FER1L6: variants seen among roughly 807,000 people sequenced by gnomAD.
The protein encoded by FER1L6 is fer-1-like protein 6.
In FER1L6, 177 loss-of-function variants were observed where a neutral mutation model predicts 219.2. The ratio of observed to expected loss-of-function variants is 0.81; its 90% CI spans 0.71 to 0.91. The LOEUF is 0.91. FER1L6 is among the 40% of genes least tolerant of loss of function. The pLI, the probability that FER1L6 is intolerant of heterozygous loss-of-function variation, is 0.00. For synonymous variants in FER1L6, 768 were observed against 824.3 expected (o/e 0.93, Z 1.17); for missense variants, 2,153 against 2,259.9 (o/e 0.95, Z 0.96).
At chr8:123,902,138 T>C (rs536823004) in intron 1 of FER1L6, among the ~76,000 whole-genome samples, 1 of 152,332 alleles carries the variant, frequency 6.6e-6, no homozygotes, top group South Asian at 2.1e-4. Flanking sequence ...TTGGAGATGA[T>C]TTCCAGTTTT....
At chr8:124,034,269 G>A (rs1819104638) in intron 18 of FER1L6, among the ~76,000 whole-genome samples, 2 of 152,170 alleles carry the variant, frequency 1.3e-5, no homozygotes, top group South Asian at 4.1e-4. Context: ...AGTGCCATAG[G>A]TTACTCTCAG....
intron 21 of FER1L6, chr8:124,046,273 T>C (rs1278440005): frequency 1.2e-5 from 2 of 164,736 alleles, no homozygotes; most frequent in African/African-American, 2.4e-5. Flanking sequence ...CCATGCTTTT[T>C]GGAGACAGGA....
chr8:124,019,653 C>T (rs1044684910), intron 16 of FER1L6, among the ~76,000 whole-genome samples: 5 of 152,172 alleles, frequency 3.3e-5, no homozygotes, highest in Non-Finnish European at 7.3e-5. Context: ...ATTCCATAAA[C>T]ATTTATTTAA....
chr8:123,867,640 A>G (rs1816858134), intron 1 of FER1L6, among the ~76,000 whole-genome samples: 2 of 152,206 alleles, frequency 1.3e-5, no homozygotes, highest in Admixed American at 1.3e-4. Context: ...AATAAAAATG[A>G]GTTGATTTAC....
At chr8:123,946,499 C>A (rs1814493908) in intron 1 of FER1L6, among the ~76,000 whole-genome samples, 1 of 152,202 alleles carries the variant, frequency 6.6e-6, no homozygotes, top group African/African-American at 2.4e-5. Flanking sequence ...AGCGATCTGC[C>A]CGCCTTGGCC....
chr8:124,007,253 T>G (rs931358364), intron 13 of FER1L6, among the ~76,000 whole-genome samples: 1 of 152,132 alleles, frequency 6.6e-6, no homozygotes, highest in Non-Finnish European at 1.5e-5. Flanking sequence ...CTTTTTGGAA[T>G]GAAAACAAAT....
intron 12 of FER1L6, among the ~76,000 whole-genome samples, chr8:124,002,150 G>C (rs1416512540): frequency 6.6e-6 from 1 of 152,182 alleles, no homozygotes; most frequent in African/African-American, 2.4e-5. Flanking sequence ...CACAAGAAGG[G>C]GGCCTTATAA....
At chr8:123,901,358 T>A (rs1812852403) in intron 1 of FER1L6, among the ~76,000 whole-genome samples, 1 of 152,234 alleles carries the variant, frequency 6.6e-6, no homozygotes, top group African/African-American at 2.4e-5. Context: ...ATATCTTCTG[T>A]TTCGTTTCTT....
intron 18 of FER1L6, among the ~76,000 whole-genome samples, chr8:124,025,613 C>A (rs1818673259): frequency 6.6e-6 from 1 of 152,040 alleles, no homozygotes; most frequent in Non-Finnish European, 1.5e-5. Flanking sequence ...TAATGTGATG[C>A]CTCTAGATTT....
chr8:124,030,697 C>T (rs1818920761), intron 18 of FER1L6, among the ~76,000 whole-genome samples: 1 of 152,136 alleles, frequency 6.6e-6, no homozygotes, highest in South Asian at 2.1e-4. Flanking sequence ...TTCCAGCTTT[C>T]CATCTAGCTT....
chr8:124,101,404 T>G (rs1822544687), intron 38 of FER1L6, 66 bp downstream of exon 38: 1 of 1,471,416 alleles, frequency 6.8e-7, no homozygotes, highest in African/African-American at 1.4e-5. Flanking sequence ...TTGGAGAGCT[T>G]GGTCTGATTT....
intron 1 of FER1L6, among the ~76,000 whole-genome samples, chr8:123,899,498 CA>C (rs1302525798): frequency 1.3e-5 from 2 of 152,136 alleles, no homozygotes; most frequent in East Asian, 1.9e-4. Flanking sequence ...TTTTGCCATG[CA>C]AAAGCTCTTT....
chr8:124,005,015 C>T (rs113493729), intron 13 of FER1L6, among the ~76,000 whole-genome samples: 6,732 of 151,210 alleles, frequency 0.045, 338 homozygotes, highest in African/African-American at 0.12. Flanking sequence ...AAAAAAAAAT[C>T]GTCAACTGTT....
intron 1 of FER1L6, among the ~76,000 whole-genome samples, chr8:123,862,729 T>G (rs912683876): frequency 7.8e-6 from 1 of 128,032 alleles, no homozygotes; most frequent in African/African-American, 3.4e-5. Flanking sequence ...TGTCGAGGAA[T>G]GTATCCATTT....
intron 1 of FER1L6, among the ~76,000 whole-genome samples, chr8:123,953,965 ATGT>A (rs1212697571): frequency 6.6e-6 from 1 of 152,182 alleles, no homozygotes; most frequent in Non-Finnish European, 1.5e-5. Context: ...ATTTAGGATG[ATGT>A]TCTCATCAGA....
At chr8:124,082,513 A>G in intron 33 of FER1L6, 55 bp downstream of exon 33, 1 of 1,528,990 alleles carries the variant, frequency 6.5e-7, no homozygotes, top group Non-Finnish European at 8.9e-7. Flanking sequence ...TGTAGCCTTT[A>G]GGGCTCCAGA....
At chr8:123,913,199 T>C (rs549376266) in intron 1 of FER1L6, among the ~76,000 whole-genome samples, 1 of 152,268 alleles carries the variant, frequency 6.6e-6, no homozygotes, top group East Asian at 1.9e-4. Context: ...AGTTATTACA[T>C]TTTACTTAAT....
In FER1L6 at chr8:124,035,293, CG is replaced by C; in HGVS notation, c.2305del (p.Ala769LeufsTer30). The C allele has an allele frequency of 1.9e-6, 3 of 1,613,514 alleles. No homozygotes were observed. In the South Asian group the frequency reaches 3.3e-5, roughly 18 times the overall value. On this transcript the variant is annotated frameshift_variant, in exon 19 of 41. Transcript: ENST00000522917. LOFTEE classifies it high-confidence loss of function. ...THFLKPPGKR[P>X]AGWSVQAKVD... ...TTTCTCCAGCCTCCTGGGAAACGAC[CG>C]GCTGGTTGGTCTGTGCAAGCAAAAG...
chr8:123,856,012 TATATGTATATACATATGTATATGAG>T (rs1816633656), intron 1 of FER1L6, among the ~76,000 whole-genome samples: 3 of 143,874 alleles, frequency 2.1e-5, no homozygotes, highest in Non-Finnish European at 4.5e-5. Context: ...GTATATGAGA[TATATGTATATACATATGTATATGAG>T]ATATATGTAT....
Sources: allele counts gnomAD v4.1 joint callset (sites outside exome capture counted in the v4.1 genomes callset), GRCh38; gene constraint gnomAD v4.1.1; transcripts MANE v1.5; gene names NCBI Gene and HGNC (gene_info 2026-07-23, HGNC 2026-07-21).